Variants in MGST1 observed in about 807,000 individuals in gnomAD.
MGST1 encodes glutathione S-transferase 12.
MGST1 carries 5 observed loss-of-function variants against 8.9 expected under a neutral mutation model. The observed-to-expected ratio is 0.56, with a 90% confidence interval of 0.29 to 1.19. MGST1 has a LOEUF of 1.19. Among genes scored for constraint, MGST1 ranks in the 50% most tolerant of loss-of-function variants. The pLI is 0.08. For missense variants in MGST1, 182 were observed against 187.4 expected, an observed-to-expected ratio of 0.97 and a Z score of 0.17; for synonymous variants, 54 against 67.8, an observed-to-expected ratio of 0.80 and a Z score of 1.00.
intron 4 of MGST1, chr12:16,550,021 T>C (rs1306752273): frequency 6.6e-5 from 10 of 152,022 alleles, no homozygotes; most frequent in African/African-American, 2.4e-4. Flanking sequence ...AAAATAAATG[T>C]CAGGTAAATA....
chr12:16,577,687 C>T (rs1056891325), intron 4 of MGST1, among the ~76,000 whole-genome samples: 16 of 152,152 alleles, frequency 1.1e-4, no homozygotes, highest in African/African-American at 3.6e-4. Context: ...TCATTCTGCA[C>T]ACATCTAGAG....
chr12:16,358,053 AATTAGGT>A (rs554571455), intron 3 of MGST1, among the ~76,000 whole-genome samples: 33 of 152,280 alleles, frequency 2.2e-4, no homozygotes, highest in South Asian at 8.3e-4. Context: ...AAGGTTGAAG[AATTAGGT>A]ATTTTTGCAT....
At chr12:16,420,612 C>G (rs1016454687) in intron 1 of MGST1, among the ~76,000 whole-genome samples, 43 of 152,204 alleles carry the variant, frequency 2.8e-4, no homozygotes, top group African/African-American at 1.0e-3. Context: ...ACAAAGGCTC[C>G]TCAGATTCTA....
At position 16,458,468 on chromosome 12, in the gene MGST1, G is replaced by C. The variant is rs910485485; in HGVS notation, n.482+74864G>C. Among the ~76,000 whole-genome samples, 3 of 151,978 alleles carry C rather than the reference G, an allele frequency of 2.0e-5. No homozygotes were observed. Among genetic ancestry groups the C allele is most frequent in the African/African-American group, 7.2e-5 (3 of 41,400 alleles). On this transcript the variant is annotated intron_variant and non_coding_transcript_variant, in intron 4 of 4. Coordinates refer to the MGST1 transcript ENST00000538857. The surrounding 1 kb of genome is among the most constrained non-coding windows in gnomAD (Gnocchi z 4.0). ...GCTGGATTCCTGCAAGAATCAATAA[G>C]CAGTCAGTCACATTAACAATGAAAT... is the stretch of plus-strand genomic sequence containing the variant.
intron 1 of MGST1, among the ~76,000 whole-genome samples, chr12:16,420,645 G>A (rs1213269253): frequency 1.1e-4 from 17 of 152,126 alleles, no homozygotes. Flanking sequence ...GAACTGGGAT[G>A]ATCCTTCAGA....
In MGST1 at chr12:16,568,499, CA is replaced by C. The variant is rs1399091188; in HGVS notation, n.483-21028del. ...CTGTGCTGACCAGCATTTTAGCCAC[CA>C]GCCACATGTGGCTAATGACTACTTG... On this transcript the variant is annotated intron_variant and non_coding_transcript_variant, in intron 4 of 4. Transcript: ENST00000538857. 1.8e-4 allele frequency among the ~76,000 whole-genome samples: 27 copies of C among 152,280 alleles called. No homozygotes were observed. In the East Asian group the frequency reaches 4.6e-3, roughly 26 times the overall value.
intron 4 of MGST1, among the ~76,000 whole-genome samples, chr12:16,561,876 T>G (rs1402784414): frequency 1.3e-5 from 2 of 152,206 alleles, no homozygotes; most frequent in African/African-American, 2.4e-5. Flanking sequence ...AAATGCATTT[T>G]AAAGACTTTG....
At chr12:16,573,365 A>T (rs1347794603) in intron 4 of MGST1, 1 of 152,228 alleles carries the variant, frequency 6.6e-6, no homozygotes, top group Non-Finnish European at 1.5e-5. Flanking sequence ...GAATCATTTG[A>T]CAGCTGATAT....
intron 4 of MGST1, among the ~76,000 whole-genome samples, chr12:16,505,074 T>G (rs1255697756): frequency 6.6e-6 from 1 of 152,186 alleles, no homozygotes; most frequent in Non-Finnish European, 1.5e-5. Flanking sequence ...TTATTTTTCT[T>G]GTGACTTTTT....
chr12:16,519,828 A>G (rs771869366), intron 4 of MGST1, among the ~76,000 whole-genome samples: 3 of 152,126 alleles, frequency 2.0e-5, no homozygotes, highest in Non-Finnish European at 4.4e-5. Flanking sequence ...GTCTTATTCA[A>G]GTTTTATGAT....
intron 4 of MGST1, among the ~76,000 whole-genome samples, chr12:16,471,920 T>TAC (rs10628214): frequency 0.22 from 32,606 of 148,912 alleles, 3,762 homozygotes; most frequent in Middle Eastern, 0.28. Context: ...TACACACACA[T>TAC]ACACACACAC....
Position 16,499,177 on chromosome 12 carries a change from T to A in MGST1, n.483-90351T>A, listed in dbSNP as rs181576695. Among the ~76,000 whole-genome samples, 377 of 152,352 alleles carry A rather than the reference T, an allele frequency of 2.5e-3. 3 individuals are homozygous for A. The highest frequency in any genetic ancestry group is 8.9e-3 in the African/African-American group (369 of 41,582). On this transcript the variant is annotated intron_variant and non_coding_transcript_variant, in intron 4 of 4. Transcript: ENST00000538857. ...TTAACATAGGTACAATAACAGCATC[T>A]GCATTTGTTTTCATTATGCTGATGC...
chr12:16,585,956 G>A lies in MGST1; in HGVS notation n.483-3572G>A, dbSNP rs1023442180. Among the ~76,000 whole-genome samples, 4 of 152,182 alleles carry A rather than the reference G, an allele frequency of 2.6e-5. No homozygotes were observed. The highest frequency in any genetic ancestry group is 2.0e-4 in the Admixed American group (3 of 15,280). On this transcript the variant is annotated intron_variant and non_coding_transcript_variant, in intron 4 of 4. Transcript: ENST00000538857. The surrounding 1 kb of genome is among the most constrained non-coding windows in gnomAD (Gnocchi z 4.7). ...CTGGGCGACATTTCACCAGTGAGGC[G>A]GTAGGACATTGTGTGATACAGTAAA... is the stretch of plus-strand genomic sequence containing the variant.
intron 4 of MGST1, among the ~76,000 whole-genome samples, chr12:16,465,871 A>G (rs1459327542): frequency 1.3e-5 from 2 of 152,172 alleles, no homozygotes; most frequent in Non-Finnish European, 2.9e-5. Context: ...TGGAGATATT[A>G]GTGCATAAAG....
chr12:16,538,810 G>A (rs1447921063), intron 4 of MGST1, among the ~76,000 whole-genome samples: 1 of 151,908 alleles, frequency 6.6e-6, no homozygotes, highest in Non-Finnish European at 1.5e-5. Flanking sequence ...GGGTTTCACT[G>A]TGTTAGCCAG....
downstream of MGST1, among the ~76,000 whole-genome samples, chr12:16,380,582 G>T (rs1940443709): frequency 6.6e-6 from 1 of 152,054 alleles, no homozygotes; most frequent in African/African-American, 2.4e-5. Flanking sequence ...CGATTTTGGA[G>T]TAGGTGTGGT....
chr12:16,585,394 A>C lies in MGST1; in HGVS notation n.483-4134A>C, dbSNP rs1049786644. On this transcript the variant is annotated intron_variant and non_coding_transcript_variant, in intron 4 of 4. Coordinates refer to the MGST1 transcript ENST00000538857. The surrounding 1 kb of genome is among the most constrained non-coding windows in gnomAD (Gnocchi z 4.7). ...AACAATCACTTGGCCACAAAGATTA[A>C]TATTAACCTATATTAAAGGTTATTT... 2.0e-5 allele frequency among the ~76,000 whole-genome samples: 3 copies of C among 152,232 alleles called. No individual in the cohort carries two copies. Among genetic ancestry groups the C allele is most frequent in the Admixed American group, 2.0e-4 (3 of 15,280 alleles).
At chr12:16,447,165 T>C (rs1348042102) in intron 4 of MGST1, among the ~76,000 whole-genome samples, 3 of 151,950 alleles carry the variant, frequency 2.0e-5, no homozygotes, top group African/African-American at 4.8e-5. Flanking sequence ...TTAAATCCCA[T>C]GGCCTTATAT....
rs79186498 is a variant in MGST1, at chr12:16,427,849, T to C, written n.779-9539T>C. Among the ~76,000 whole-genome samples the C allele has an allele frequency of 9.6e-3, 1,464 of 152,270 alleles. 87 individuals carry two copies. In the East Asian group the frequency reaches 0.17, roughly 18 times the overall value. Reference sequence around the variant, plus strand: ...TTTCTTCTTCAGGGAGTCATACTTATATTGGATCTTTTAAGCTATTTTCTA... The same window carrying C: ...TTTCTTCTTCAGGGAGTCATACTTACATTGGATCTTTTAAGCTATTTTCTA... On this transcript the variant is annotated intron_variant and non_coding_transcript_variant, in intron 1 of 1. Transcript: ENST00000359720.
Sources: allele counts gnomAD v4.1 joint callset (sites outside exome capture counted in the v4.1 genomes callset), GRCh38; gene constraint gnomAD v4.1.1; non-coding constraint Gnocchi (gnomAD v3.1); transcripts MANE v1.5; gene names NCBI Gene and HGNC (gene_info 2026-07-23, HGNC 2026-07-21).